EYS: variants seen among roughly 807,000 people sequenced by gnomAD.
EYS encodes the protein protein eyes shut homolog.
In EYS, 250 loss-of-function variants were observed where a neutral mutation model predicts 282.1. The ratio of observed to expected loss-of-function variants is 0.89; its 90% CI spans 0.80 to 0.98. EYS has a LOEUF of 0.98. Among genes scored for constraint, EYS ranks in the 50% least tolerant of loss-of-function variants. The pLI is 0.00. For missense variants in EYS, 4,016 were observed against 3,709.0 expected, an observed-to-expected ratio of 1.08 and a Z score of -2.15; for synonymous variants, 1,355 against 1,282.9, an observed-to-expected ratio of 1.06 and a Z score of -1.20.
chr6:65,588,687 C>T (rs760471824), intron 2 of EYS, among the ~76,000 whole-genome samples: 1 of 152,020 alleles, frequency 6.6e-6, no homozygotes, highest in Non-Finnish European at 1.5e-5. Flanking sequence ...ATGGGCTCCT[C>T]TGGGAAGCCT....
rs201955823 is a variant in EYS at position 64,502,698 on chromosome 6, G to GT, written c.5645-63347dup. ...GTTTTTCTCTGCTATTGACAGTTTT[G>GT]TTTTTTTTTTAATCTTGTGCTGGAC... On this transcript the variant is annotated intron_variant, in intron 26 of 42. Coordinates refer to ENST00000503581, the MANE Select transcript of EYS (RefSeq NM_001142800.2). 4.1e-3 allele frequency among the ~76,000 whole-genome samples: 579 copies of GT among 140,742 alleles called. 3 individuals are homozygous for GT. The highest frequency in any genetic ancestry group is 0.013 in the African/African-American group (502 of 39,386). The allele number at this position is 140,742 out of a possible 152,430, so 92.3% of individuals were successfully genotyped here. A position where few individuals can be genotyped will look rare whatever the true frequency, so the allele number is the denominator to read the frequency against.
chr6:65,077,856 T>G (rs981127068), intron 12 of EYS, among the ~76,000 whole-genome samples: 1 of 152,148 alleles, frequency 6.6e-6, no homozygotes, highest in Non-Finnish European at 1.5e-5. Flanking sequence ...TCTAAATAAT[T>G]AAAAATTACT....
intron 14 of EYS, among the ~76,000 whole-genome samples, chr6:64,965,006 T>A (rs1770046172): frequency 6.6e-6 from 1 of 152,122 alleles, no homozygotes; most frequent in Admixed American, 6.6e-5. Flanking sequence ...GCACTCCTGC[T>A]GGATGACAGA....
chr6:65,557,119 C>T (rs184461776), intron 2 of EYS, among the ~76,000 whole-genome samples: 79 of 152,214 alleles, frequency 5.2e-4, no homozygotes, highest in Admixed American at 1.5e-3. Flanking sequence ...ATAACAATGT[C>T]GCAAGATCCT....
chr6:64,868,454 A>T (rs9345561), intron 19 of EYS, among the ~76,000 whole-genome samples: 5 of 151,492 alleles, frequency 3.3e-5, no homozygotes, highest in Admixed American at 3.3e-4. Context: ...AATGTTTCCA[A>T]TGATTATGTA....
At chr6:64,676,233 A>G (rs191555109) in intron 22 of EYS, among the ~76,000 whole-genome samples, 85 of 148,502 alleles carry the variant, frequency 5.7e-4, no homozygotes, top group African/African-American at 2.0e-3. Flanking sequence ...CTTACAGGAT[A>G]GGTAGAGAAA....
chr6:64,781,417 T>G (rs1773854990), intron 22 of EYS, among the ~76,000 whole-genome samples: 1 of 151,768 alleles, frequency 6.6e-6, no homozygotes, highest in African/African-American at 2.4e-5. Flanking sequence ...ATAAGATATA[T>G]GAAATGACAC....
At chr6:65,133,678 C>G (rs776335487) in intron 12 of EYS, among the ~76,000 whole-genome samples, 4 of 152,034 alleles carry the variant, frequency 2.6e-5, no homozygotes, top group Non-Finnish European at 5.9e-5. Context: ...TGGAAGACAA[C>G]ATAGGCAATA....
chr6:65,010,516 C>T (rs1047537843), intron 13 of EYS, among the ~76,000 whole-genome samples: 7 of 152,194 alleles, frequency 4.6e-5, no homozygotes, highest in South Asian at 2.1e-4. Context: ...CTCAAACATA[C>T]GCCACTTGAG....
At chr6:65,212,676 T>C (rs1364998643) in intron 12 of EYS, among the ~76,000 whole-genome samples, 1 of 152,138 alleles carries the variant, frequency 6.6e-6, no homozygotes, top group Non-Finnish European at 1.5e-5. Flanking sequence ...AAAGACCTAC[T>C]AGACAGTGCT....
intron 22 of EYS, among the ~76,000 whole-genome samples, chr6:64,704,452 T>C (rs1770904777): frequency 7.2e-6 from 1 of 139,290 alleles, no homozygotes; most frequent in Non-Finnish European, 1.5e-5. Context: ...TATATTATAA[T>C]ATAATTATAA....
intron 39 of EYS, among the ~76,000 whole-genome samples, chr6:63,782,609 T>A (rs1484370956): frequency 6.6e-6 from 1 of 152,204 alleles, no homozygotes; most frequent in Non-Finnish European, 1.5e-5. Context: ...GCCTTCATCA[T>A]TTTTTATTGC....
At chr6:65,590,910 C>T (rs949456759) in intron 2 of EYS, among the ~76,000 whole-genome samples, 2 of 151,430 alleles carry the variant, frequency 1.3e-5, no homozygotes, top group Middle Eastern at 3.4e-3. Flanking sequence ...CATAACTTGG[C>T]TATTGTGAAT....
At chr6:65,455,751 G>T in intron 5 of EYS, among the ~76,000 whole-genome samples, 1 of 152,020 alleles carries the variant, frequency 6.6e-6, no homozygotes, top group Non-Finnish European at 1.5e-5. Flanking sequence ...AAATTGAATC[G>T]GTAACAAAAA....
chr6:64,808,571 A>G (rs1282112139), intron 22 of EYS, among the ~76,000 whole-genome samples: 4 of 152,044 alleles, frequency 2.6e-5, no homozygotes, highest in Non-Finnish European at 5.9e-5. Context: ...AGAACGTTAG[A>G]CAAGACCACT....
chr6:64,987,867 A>C lies in EYS; in HGVS notation c.2259+9715T>G, dbSNP rs140246362. On this transcript the variant is annotated intron_variant, in intron 14 of 42. Transcript: ENST00000503581. ...AGCATAGAATTGGTAATAACACTCT[A>C]AACCCACATGTATGTGTAAATTCAT... Among the ~76,000 whole-genome samples, 283 of 151,668 alleles carry C rather than the reference A, an allele frequency of 1.9e-3. 2 individuals are homozygous for C. Among genetic ancestry groups the C allele is most frequent in the African/African-American group, 6.7e-3 (279 of 41,464 alleles).
chr6:65,489,093 A>G (rs1006860649), intron 5 of EYS, among the ~76,000 whole-genome samples: 7 of 152,180 alleles, frequency 4.6e-5, no homozygotes, highest in African/African-American at 1.4e-4. Context: ...TGAAACACCA[A>G]AAGCAATGGC....
intron 19 of EYS, among the ~76,000 whole-genome samples, chr6:64,862,707 T>C (rs1384323982): frequency 1.3e-5 from 2 of 152,192 alleles, no homozygotes; most frequent in East Asian, 1.9e-4. Context: ...CTTCTATTTT[T>C]ACTGAATGCC....
chr6:64,559,271 ATGTGTGTGTGTG>A (rs4034160), intron 26 of EYS, among the ~76,000 whole-genome samples: 1 of 142,206 alleles, frequency 7.0e-6, no homozygotes, highest in African/African-American at 2.6e-5. Flanking sequence ...GTGTGTGTGC[ATGTGTGTGTGTG>A]TGTGTGTGTG....
Sources: gnomAD v4.1 joint callset for allele counts (sites outside exome capture counted in the v4.1 genomes callset) on GRCh38, gnomAD v4.1.1 for gene constraint, MANE v1.5 for transcripts, NCBI Gene and HGNC (gene_info 2026-07-23, HGNC 2026-07-21) for gene names.